The following SERPINB5 variants were observed in gnomAD, a reference collection of about 807,000 sequenced individuals.
The protein encoded by SERPINB5 is serpin B5.
SERPINB5 carries 27 observed loss-of-function variants against 32.2 expected under a neutral mutation model. The ratio of observed to expected loss-of-function variants is 0.84; its 90% CI spans 0.62 to 1.16. The LOEUF is 1.16. Ranked by LOEUF, SERPINB5 falls within the 50% of genes most tolerant of loss-of-function variation. The pLI is 0.00. For missense variants in SERPINB5, 388 were observed against 436.3 expected, an observed-to-expected ratio of 0.89 and a Z score of 0.99; for synonymous variants, 154 against 157.4, an observed-to-expected ratio of 0.98 and a Z score of 0.16.
At chr18:63,495,838 G>A (rs527421156) in intron 5 of SERPINB5, among the ~76,000 whole-genome samples, 1 of 152,152 alleles carries the variant, frequency 6.6e-6, no homozygotes. Context: ...GCTATTCACA[G>A]CTGCATGAGG....
Position 63,503,625 on chromosome 18 carries a change from A to T in SERPINB5, c.1031A>T (p.His344Leu). ...IEVPGARILQ[H>L]KDELNADHPF... ...GTGCCAGGAGCACGGATCCTGCAGCACAAGGATGAATTGAATGCTGACCAT... is the reference window on the plus strand; with the variant it reads ...GTGCCAGGAGCACGGATCCTGCAGCTCAAGGATGAATTGAATGCTGACCAT... The change falls in exon 7 of 7, where the codon CAC becomes CTC. Residue 344 changes from histidine to leucine, a missense_variant. Physicochemically the swap from His to Leu is moderately conservative, Grantham distance 99. Transcript: ENST00000382771. 1 of 1,614,214 alleles carries T rather than the reference A, an allele frequency of 6.2e-7. No homozygotes were observed.
rs778914004 is a variant in SERPINB5, at chr18:63,492,950, C to G, written c.425-3C>G. On this transcript the variant is annotated splice_region_variant and splice_polypyrimidine_tract_variant and intron_variant, in intron 4 of 6. Transcript: ENST00000382771. ...TACTTGTGTTTTCCTAAAATTGTTG[C>G]AGGCCACTTTGAGAACATTTTAGCT... 6.2e-7 allele frequency: 1 copy of G among 1,604,670 alleles called. No homozygotes were observed. The highest frequency in any genetic ancestry group is 1.7e-5 in the Admixed American group (1 of 58,864).
Position 63,499,038 on chromosome 18 carries a change from C to T in SERPINB5, c.568-82C>T, listed in dbSNP as rs12458190. ...GGGTATATATGTGTGTGTGTGTGCG[C>T]GCGTGTGTGTATATATATATATATA... On this transcript the variant is annotated intron_variant, in intron 5 of 6. Coordinates refer to ENST00000382771, the MANE Select transcript of SERPINB5 (RefSeq NM_002639.5). 3.4e-3 allele frequency: 1,182 copies of T among 348,470 alleles called. 8 individuals are homozygous for T. The highest frequency in any genetic ancestry group is 6.2e-3 in the Middle Eastern group (10 of 1,616). 21.6% of individuals were successfully genotyped at this position (348,470 alleles called of 1,614,324 possible).
At position 63,502,809 on chromosome 18, in the gene SERPINB5, A is replaced by T. The variant is rs115118643; in HGVS notation, c.736-521A>T. On this transcript the variant is annotated intron_variant, in intron 6 of 6. Transcript: ENST00000382771. The stretch of plus-strand genomic sequence containing the variant: ...TGAGGCTGGCACATCACTTGAAGCC[A>T]GGAGTTTGAGACCAGCTTGGCCAAC... Among the ~76,000 whole-genome samples the T allele has an allele frequency of 1.6e-3, 250 of 152,248 alleles. 1 individual carries two copies. Among genetic ancestry groups the T allele is most frequent in the Non-Finnish European group, 2.9e-3 (194 of 68,016 alleles).
chr18:63,490,040 A>C (rs1018984615), intron 4 of SERPINB5, among the ~76,000 whole-genome samples: 1 of 152,066 alleles, frequency 6.6e-6, no homozygotes, highest in Non-Finnish European at 1.5e-5. Flanking sequence ...AAAATACAAA[A>C]AATTAGCCGG....
chr18:63,497,107 C>T (rs1909463511), intron 5 of SERPINB5: 1 of 610,432 alleles, frequency 1.6e-6, no homozygotes, highest in Admixed American at 1.8e-5. Context: ...TCTAAACAGC[C>T]TTCCTACAGC....
At chr18:63,483,414 T>C (rs9966732) in intron 1 of SERPINB5, among the ~76,000 whole-genome samples, 37 of 152,338 alleles carry the variant, frequency 2.4e-4, no homozygotes, top group African/African-American at 8.4e-4. Flanking sequence ...TTATTAAGTA[T>C]TGTTATGTGC....
chr18:63,500,917 A>G (rs79431233), intron 6 of SERPINB5, among the ~76,000 whole-genome samples: 4,431 of 150,156 alleles, frequency 0.03, 94 homozygotes, highest in Middle Eastern at 0.069. Flanking sequence ...TTTTCTTTCC[A>G]TTTTATGCTT....
chr18:63,492,351 A>C (rs964074022), intron 4 of SERPINB5, among the ~76,000 whole-genome samples: 1 of 152,204 alleles, frequency 6.6e-6, no homozygotes, highest in Non-Finnish European at 1.5e-5. Flanking sequence ...TTTCCAGCTG[A>C]GGAAACTAGA....
intron 5 of SERPINB5, among the ~76,000 whole-genome samples, chr18:63,495,631 T>C (rs1354114740): frequency 6.6e-6 from 1 of 152,244 alleles, no homozygotes; most frequent in Non-Finnish European, 1.5e-5. Context: ...CTAAGGGTCG[T>C]ACTTTTTTCA....
At chr18:63,480,113 T>C (rs1917102636) in intron 1 of SERPINB5, among the ~76,000 whole-genome samples, 1 of 152,212 alleles carries the variant, frequency 6.6e-6, no homozygotes, top group African/African-American at 2.4e-5. Flanking sequence ...TTCATCTTTG[T>C]CTGCCTCATT....
At chr18:63,490,370 T>C (rs1339619384) in intron 4 of SERPINB5, among the ~76,000 whole-genome samples, 2 of 152,132 alleles carry the variant, frequency 1.3e-5, no homozygotes, top group Non-Finnish European at 1.5e-5. Flanking sequence ...TCCCTTAAAA[T>C]TGCCGGTGAG....
chr18:63,499,065 A>ATATATATT (rs1568112366), intron 5 of SERPINB5, 55 bp from the exon 6 acceptor site: 5 of 834,866 alleles, frequency 6.0e-6, no homozygotes, highest in East Asian at 3.4e-5. Context: ...ATATATATAT[A>ATATATATT]TATTTATGCA....
intron 5 of SERPINB5, 96 bp downstream of exon 5, chr18:63,493,191 C>T (rs2144503170): frequency 6.5e-7 from 1 of 1,533,570 alleles, no homozygotes; most frequent in Non-Finnish European, 9.0e-7. Context: ...CAATGAGGAA[C>T]CTGAGGGCAC....
rs1371892710 is a variant in SERPINB5, at chr18:63,504,422, C to T, written c.*700C>T. ...TTCAGACAAAATGGATACATAAAGACTAAGTAGCCCATAAGGGGTCAAAAT... is the reference window on the plus strand; with the variant it reads ...TTCAGACAAAATGGATACATAAAGATTAAGTAGCCCATAAGGGGTCAAAAT... On this transcript the variant is annotated 3_prime_UTR_variant, in exon 7 of 7. Transcript: ENST00000382771. 6.6e-6 allele frequency: 1 copy of T among 152,280 alleles called. No homozygotes were observed. The highest frequency in any genetic ancestry group is 1.9e-4 in the East Asian group (1 of 5,188). 9.4% of individuals were successfully genotyped at this position (152,280 alleles called of 1,614,324 possible).
At chr18:63,494,546 C>T (rs1455767432) in intron 5 of SERPINB5, among the ~76,000 whole-genome samples, 2 of 152,054 alleles carry the variant, frequency 1.3e-5, no homozygotes, top group African/African-American at 2.4e-5. Context: ...AGCTCCTACG[C>T]GTCAGTTCTA....
At chr18:63,503,128 A>G (rs1434675954) in intron 6 of SERPINB5, among the ~76,000 whole-genome samples, 2 of 152,186 alleles carry the variant, frequency 1.3e-5, no homozygotes, top group African/African-American at 4.8e-5. Flanking sequence ...GAACACTGTT[A>G]TAGGCTGGGG....
chr18:63,483,857 T>C (rs1599387414), intron 1 of SERPINB5, among the ~76,000 whole-genome samples: 2 of 152,190 alleles, frequency 1.3e-5, no homozygotes, highest in South Asian at 4.1e-4. Flanking sequence ...ACTAATTATA[T>C]ATTAGTTAAG....
At chr18:63,497,801 C>T (rs770155828) in intron 5 of SERPINB5, among the ~76,000 whole-genome samples, 2 of 152,184 alleles carry the variant, frequency 1.3e-5, no homozygotes, top group Non-Finnish European at 2.9e-5. Flanking sequence ...CCTCTTTCTT[C>T]CTCCCCAGTG....
Sources: allele counts gnomAD v4.1 joint callset (sites outside exome capture counted in the v4.1 genomes callset), GRCh38; gene constraint gnomAD v4.1.1; transcripts MANE v1.5; gene names NCBI Gene and HGNC (gene_info 2026-07-23, HGNC 2026-07-21).